Variants in TMEM9B observed in about 807,000 individuals in gnomAD.
TMEM9B encodes transmembrane protein 9B.
TMEM9B carries 8 observed loss-of-function variants against 23.5 expected under a neutral mutation model. The ratio of observed to expected loss-of-function variants is 0.34; its 90% CI spans 0.20 to 0.61. TMEM9B has a LOEUF of 0.61. TMEM9B is among the 20% of genes least tolerant of loss of function. The pLI is 0.78. For missense variants in TMEM9B, 197 were observed against 252.3 expected (o/e 0.78, Z 1.49); for synonymous variants, 106 against 96.3 (o/e 1.10, Z -0.59).
intron 1 of TMEM9B, among the ~76,000 whole-genome samples, chr11:8,962,420 G>C (rs1373207991): frequency 6.6e-6 from 1 of 152,034 alleles, no homozygotes; most frequent in East Asian, 1.9e-4. Context: ...CATGATCTAA[G>C]ACTTATTAAC....
intron 2 of TMEM9B, 94 bp from the exon 3 acceptor site, chr11:8,956,392 C>A (rs1333264814): frequency 7.9e-6 from 7 of 881,654 alleles, no homozygotes; most frequent in Non-Finnish European, 1.2e-5. Context: ...AATCACTAAA[C>A]TTACCCAATG....
Position 8,957,176 on chromosome 11 carries a change from A to C in TMEM9B, c.198-878T>G, listed in dbSNP as rs180801110. Among the ~76,000 whole-genome samples, 5 of 152,366 alleles carry C rather than the reference A, an allele frequency of 3.3e-5. No homozygotes were observed. Among genetic ancestry groups the C allele is most frequent in the Non-Finnish European group, 7.3e-5 (5 of 68,042 alleles). On this transcript the variant is annotated intron_variant, in intron 2 of 4. Coordinates refer to ENST00000534025, the MANE Select transcript of TMEM9B (RefSeq NM_020644.3). This position sits in a 1 kb window ranked among gnomAD's most constrained non-coding sequence, Gnocchi z 4.3. ...CAAATCTGAAAAAGCAAGGAGAAAT[A>C]GAATAACTAAAATATTTTAAAACAA...
At chr11:8,963,174 G>A (rs1854111851) in intron 1 of TMEM9B, among the ~76,000 whole-genome samples, 1 of 152,204 alleles carries the variant, frequency 6.6e-6, no homozygotes, top group African/African-American at 2.4e-5. Flanking sequence ...TATGCAGAGG[G>A]TGCCAGCAAT....
intron 3 of TMEM9B, among the ~76,000 whole-genome samples, chr11:8,954,400 T>C (rs1055660667): frequency 2.0e-5 from 3 of 152,020 alleles, no homozygotes; most frequent in Non-Finnish European, 4.4e-5. Flanking sequence ...GTGATTCTCA[T>C]GCCGTAGCCT....
Position 8,947,433 on chromosome 11 carries a change from T to TCAAA in TMEM9B, c.*883_*886dup, listed in dbSNP as rs1462028686. The TCAAA allele has an allele frequency of 6.6e-6, 1 of 152,624 alleles. No homozygotes were observed. The highest frequency in any genetic ancestry group is 2.4e-5 in the African/African-American group (1 of 41,436). The allele number at this position is 152,624 out of a possible 1,614,324, so 9.5% of individuals were successfully genotyped here. The stretch of plus-strand genomic sequence containing the variant: ...AGTTCAAAGCTGCACACATTGGAGC[T>TCAAA]CAAACAGCTGCCTCTCACCACGACC... On this transcript the variant is annotated 3_prime_UTR_variant, in exon 5 of 5. Coordinates refer to ENST00000534025, the MANE Select transcript of TMEM9B (RefSeq NM_020644.3).
chr11:8,948,850 A>G (rs1853824595), intron 4 of TMEM9B, among the ~76,000 whole-genome samples: 1 of 152,252 alleles, frequency 6.6e-6, no homozygotes, highest in African/African-American at 2.4e-5. Context: ...TCTCCATGTT[A>G]TAGATATGGA....
intron 4 of TMEM9B, among the ~76,000 whole-genome samples, chr11:8,950,946 T>G (rs1432001549): frequency 1.3e-5 from 2 of 152,206 alleles, no homozygotes; most frequent in Non-Finnish European, 2.9e-5. Context: ...TCACTTATTT[T>G]TGTAGAGTTG....
chr11:8,958,483 A>G (rs906563991), intron 2 of TMEM9B, among the ~76,000 whole-genome samples: 1 of 151,864 alleles, frequency 6.6e-6, no homozygotes, highest in Non-Finnish European at 1.5e-5. Context: ...GTTAATTTCT[A>G]GAAATTCATA....
At chr11:8,961,479 G>A (rs1374564878) in intron 2 of TMEM9B, among the ~76,000 whole-genome samples, 1 of 152,218 alleles carries the variant, frequency 6.6e-6, no homozygotes, top group Non-Finnish European at 1.5e-5. Flanking sequence ...TGTCAGGTCT[G>A]CTGGGATAAG....
chr11:8,964,545 C>T, upstream of TMEM9B: 4 of 1,267,880 alleles, frequency 3.2e-6, no homozygotes, highest in Admixed American at 3.3e-5. Context: ...AGTCCTGGTG[C>T]CCGCCTTGGC....
At chr11:8,960,904 C>G (rs1375288606) in intron 2 of TMEM9B, among the ~76,000 whole-genome samples, 1 of 151,826 alleles carries the variant, frequency 6.6e-6, no homozygotes, top group Admixed American at 6.6e-5. Flanking sequence ...AGGCTGGTCT[C>G]GAACTCCTGA....
intron 1 of TMEM9B, chr11:8,963,946 G>A: frequency 2.0e-6 from 1 of 501,006 alleles, no homozygotes; most frequent in Non-Finnish European, 3.5e-6. Flanking sequence ...AAGGCGGTGG[G>A]GGGCTGCTGT....
At chr11:8,963,744 G>A (rs1469451831) in intron 1 of TMEM9B, among the ~76,000 whole-genome samples, 1 of 152,286 alleles carries the variant, frequency 6.6e-6, no homozygotes, top group East Asian at 1.9e-4. Context: ...GAGCTGAGTC[G>A]GCCCTTGACA....
At chr11:8,964,112 C>T in intron 1 of TMEM9B, 97 bp downstream of exon 1, 1 of 1,244,386 alleles carries the variant, frequency 8.0e-7, no homozygotes, top group Non-Finnish European at 1.1e-6. Flanking sequence ...GTATGGCTGT[C>T]AGGAATGGGC....
chr11:8,953,810 C>T (rs1418510938), intron 3 of TMEM9B, among the ~76,000 whole-genome samples: 2 of 152,174 alleles, frequency 1.3e-5, no homozygotes, highest in African/African-American at 4.8e-5. Flanking sequence ...TATGGAGAAA[C>T]AGCCCTCATA....
chr11:8,949,043 C>T (rs1381435344), intron 4 of TMEM9B, among the ~76,000 whole-genome samples: 1 of 152,160 alleles, frequency 6.6e-6, no homozygotes, highest in African/African-American at 2.4e-5. Flanking sequence ...CCTGTACCCT[C>T]AACACACACA....
intron 4 of TMEM9B, among the ~76,000 whole-genome samples, chr11:8,952,295 AT>A (rs1295500516): frequency 2.8e-5 from 4 of 140,666 alleles, no homozygotes; most frequent in African/African-American, 5.5e-5. Flanking sequence ...ATATATATAT[AT>A]ATAAACATAT....
intron 4 of TMEM9B, 121 bp from the exon 5 acceptor site, chr11:8,948,596 C>T (rs1853819328): frequency 1.7e-6 from 2 of 1,171,048 alleles, no homozygotes; most frequent in Admixed American, 5.3e-5. Flanking sequence ...AACAGAGCAT[C>T]TATTTAGCTA....
chr11:8,956,729 GTTTTT>G (rs557513919), intron 2 of TMEM9B, among the ~76,000 whole-genome samples: 50 of 152,214 alleles, frequency 3.3e-4, no homozygotes, highest in Non-Finnish European at 6.0e-4. Context: ...TTTTGTTGTT[GTTTTT>G]TAAGAGACAA....
Sources: gnomAD v4.1 joint callset for allele counts (sites outside exome capture counted in the v4.1 genomes callset) on GRCh38, gnomAD v4.1.1 for gene constraint, Gnocchi (gnomAD v3.1) non-coding constraint, MANE v1.5 for transcripts, NCBI Gene and HGNC (gene_info 2026-07-23, HGNC 2026-07-21) for gene names.